The following SOX5 variants were observed in gnomAD, a reference collection of about 807,000 sequenced individuals.
The protein encoded by SOX5 is SRY-box transcription factor 5, also known as transcription factor SOX-5.
A neutral mutation model predicts 92.0 loss-of-function variants in SOX5; 9 were observed. The ratio of observed to expected loss-of-function variants is 0.10; its 90% confidence interval spans 0.06 to 0.17. The LOEUF is 0.17. Among genes scored for constraint, SOX5 ranks in the 10% least tolerant of loss-of-function variants. The probability of loss-of-function intolerance (pLI) is 1.00; values close to 1 mark genes in which losing one functional copy is unlikely to be tolerated. For missense variants in SOX5, 642 were observed against 944.5 expected (o/e 0.68, Z 4.20); for synonymous variants, 344 against 336.3 (o/e 1.02, Z -0.25).
In SOX5 at chr12:23,533,303, GTC is replaced by G. The variant is rs148266789; in HGVS notation, c.*914_*915del. 0.063 allele frequency: 21,571 copies of G among 342,076 alleles called. No individual in the cohort carries two copies. The highest frequency in any genetic ancestry group is 0.1 in the South Asian group (4,640 of 44,996). The allele number at this position is 342,076 out of a possible 1,614,324, so 21.2% of individuals were successfully genotyped here. A position where few individuals can be genotyped will look rare whatever the true frequency, so the allele number is the denominator to read the frequency against. On this transcript the variant is annotated 3_prime_UTR_variant, in exon 15 of 15. Coordinates refer to ENST00000451604, the MANE Select transcript of SOX5 (RefSeq NM_006940.6). The stretch of plus-strand genomic sequence containing the variant: ...AAATATTTTTCTCTAAATTTCTTAT[GTC>G]TCTCTCTCTCTCTCTCTTTTCACCT...
At chr12:24,543,031 G>A (rs934778170) in intron 1 of SOX5, among the ~76,000 whole-genome samples, 1 of 152,172 alleles carries the variant, frequency 6.6e-6, no homozygotes, top group Non-Finnish European at 1.5e-5. Flanking sequence ...ATGAAACATT[G>A]ATAAATTAAT....
chr12:23,979,884 G>C (rs1279201454), intron 4 of SOX5, among the ~76,000 whole-genome samples: 2 of 111,448 alleles, frequency 1.8e-5, no homozygotes, highest in Non-Finnish European at 3.7e-5. Context: ...TGCCTGGCTG[G>C]CTGGCTGGCT....
At chr12:23,747,774 C>T (rs911932564) in intron 4 of SOX5, among the ~76,000 whole-genome samples, 2 of 151,998 alleles carry the variant, frequency 1.3e-5, no homozygotes, top group African/African-American at 4.8e-5. Context: ...CAGACATTGT[C>T]AAATTCCTCC....
intron 3 of SOX5, among the ~76,000 whole-genome samples, chr12:24,257,922 C>A (rs1266320196): frequency 6.6e-6 from 1 of 152,194 alleles, no homozygotes; most frequent in African/African-American, 2.4e-5. Context: ...CGCCTGTAAT[C>A]CCAGCACTTT....
intron 6 of SOX5, among the ~76,000 whole-genome samples, chr12:23,667,154 A>T (rs954478691): frequency 5.9e-5 from 9 of 151,970 alleles, no homozygotes; most frequent in African/African-American, 2.2e-4. Context: ...GGAGAGAGAA[A>T]AGCAATATGT....
chr12:23,630,901 A>G (rs931828790), intron 8 of SOX5, among the ~76,000 whole-genome samples: 2 of 152,064 alleles, frequency 1.3e-5, no homozygotes, highest in Admixed American at 1.3e-4. Flanking sequence ...GCTTAAAAAG[A>G]TAAAATTGCT....
chr12:24,447,013 A>T (rs915747680), intron 1 of SOX5, among the ~76,000 whole-genome samples: 1 of 152,230 alleles, frequency 6.6e-6, no homozygotes, highest in African/African-American at 2.4e-5. Context: ...ATGAGTCCAT[A>T]TTGATAGAAA....
At chr12:23,716,003 G>A (rs1359946039) in intron 6 of SOX5, among the ~76,000 whole-genome samples, 1 of 152,028 alleles carries the variant, frequency 6.6e-6, no homozygotes, top group South Asian at 2.1e-4. Flanking sequence ...ACTGATTTAA[G>A]TTTGTTGTGT....
At chr12:24,029,759 A>T (rs934601776) in intron 4 of SOX5, among the ~76,000 whole-genome samples, 1 of 151,982 alleles carries the variant, frequency 6.6e-6, no homozygotes, top group Non-Finnish European at 1.5e-5. Flanking sequence ...AGGAATTAGG[A>T]AAGAAGCCCT....
intron 2 of SOX5, among the ~76,000 whole-genome samples, chr12:24,290,712 G>C (rs1041707013): frequency 6.6e-6 from 1 of 152,188 alleles, no homozygotes; most frequent in African/African-American, 2.4e-5. Context: ...TATAAAGAGG[G>C]AGAGATATAA....
rs538058693 is a variant in SOX5, at chr12:24,000,818, G to C, written c.-1-104794C>G. On this transcript the variant is annotated intron_variant, in intron 4 of 4. Coordinates refer to the SOX5 transcript ENST00000446891. ...ATGCTGACTGTAAGAAATACGCTTT[G>C]AAGACACAAATAGGTTGAAAGCAAA... 2.0e-5 allele frequency among the ~76,000 whole-genome samples: 3 copies of C among 152,158 alleles called. No individual in the cohort carries two copies. The East Asian group carries it at 5.8e-4, about 29-fold the overall frequency.
At chr12:23,726,621 T>C (rs1048812271) in intron 6 of SOX5, among the ~76,000 whole-genome samples, 2 of 152,302 alleles carry the variant, frequency 1.3e-5, no homozygotes, top group Admixed American at 1.3e-4. Flanking sequence ...GGGGCGTATA[T>C]AAGCAATGAT....
rs1204521319 is a variant in SOX5 at position 24,324,770 on chromosome 12, CA to C, written c.-174+43792del. On this transcript the variant is annotated intron_variant, in intron 2 of 4. Transcript: ENST00000446891. Reference sequence around the variant, plus strand: ...AAGGAAATAATAACAATACCTACCTCATAGGGTTATCATGAAGTTTCAACGA... The same window carrying C: ...AAGGAAATAATAACAATACCTACCTCTAGGGTTATCATGAAGTTTCAACGA... Among the ~76,000 whole-genome samples, 15 of 152,034 alleles carry C rather than the reference CA, an allele frequency of 9.9e-5. No individual in the cohort carries two copies. In the South Asian group the frequency reaches 1.5e-3, roughly 15 times the overall value.
rs57461232 is a variant in SOX5, at chr12:24,335,972, C to CATATATATATAT, written c.-174+32579_-174+32590dup. ...CCTGGGTCCAGGCTAGAAATGCTATCATATATATATATATATCCATAATAT... is the reference window on the plus strand; with the variant it reads ...CCTGGGTCCAGGCTAGAAATGCTATCATATATATATATATATATATATATATATCCATAATAT... On this transcript the variant is annotated intron_variant, in intron 2 of 4. Coordinates refer to the SOX5 transcript ENST00000446891. 9.2e-3 allele frequency among the ~76,000 whole-genome samples: 537 copies of CATATATATATAT among 58,586 alleles called. 58 individuals carry two copies. Among genetic ancestry groups the CATATATATATAT allele is most frequent in the African/African-American group, 0.032 (489 of 15,372 alleles). 38.4% of individuals were successfully genotyped at this position (58,586 alleles called of 152,430 possible).
intron 13 of SOX5, among the ~76,000 whole-genome samples, chr12:23,539,552 G>A (rs965450663): frequency 2.0e-5 from 3 of 151,110 alleles, no homozygotes; most frequent in African/African-American, 7.3e-5. Context: ...TAATAGTTGA[G>A]GTCTTTCGGT....
chr12:24,119,334 A>G (rs1300231227), intron 4 of SOX5, among the ~76,000 whole-genome samples: 2 of 152,138 alleles, frequency 1.3e-5, no homozygotes, highest in Non-Finnish European at 2.9e-5. Context: ...TATTCTCACC[A>G]TCAACATTGG....
intron 9 of SOX5, among the ~76,000 whole-genome samples, chr12:23,594,879 T>C (rs1040937845): frequency 1.3e-5 from 2 of 152,136 alleles, no homozygotes; most frequent in Non-Finnish European, 2.9e-5. Flanking sequence ...GAATAACCTT[T>C]CCTTAGACCT....
At chr12:24,245,228 G>A (rs1938406679) in intron 3 of SOX5, among the ~76,000 whole-genome samples, 1 of 131,842 alleles carries the variant, frequency 7.6e-6, no homozygotes, top group African/African-American at 2.9e-5. Flanking sequence ...TTTGTGTTTG[G>A]AGAGATTTGT....
chr12:23,875,694 T>C (rs2096920309), intron 2 of SOX5, among the ~76,000 whole-genome samples: 1 of 152,162 alleles, frequency 6.6e-6, no homozygotes, highest in Non-Finnish European at 1.5e-5. Context: ...ATTTTTACCA[T>C]TAAGTTTGAA....
Sources: gnomAD v4.1 joint callset for allele counts (sites outside exome capture counted in the v4.1 genomes callset) on GRCh38, gnomAD v4.1.1 for gene constraint, MANE v1.5 for transcripts, NCBI Gene and HGNC (gene_info 2026-07-23, HGNC 2026-07-21) for gene names.